The following MSANTD7 variants were observed in gnomAD, a reference collection of about 807,000 sequenced individuals.
MSANTD7 encodes Myb/SANT DNA binding domain containing 7.
chr10:14,838,641 C>G, the MSANTD7 span: 3 of 581,388 alleles, frequency 5.2e-6, no homozygotes, highest in Non-Finnish European at 8.7e-6. Context: ...GCGATTCCTC[C>G]GGAAAGTCGT....
At chr10:14,842,412 A>C in the MSANTD7 span, 1 of 1,536,186 alleles carries the variant, frequency 6.5e-7, no homozygotes, top group Non-Finnish European at 8.7e-7. The surrounding 1 kb of genome is among the most constrained non-coding windows in gnomAD (Gnocchi z 5.2). Flanking sequence ...GCAGATGTCT[A>C]TCAGGCTGTG....
chr10:14,842,307 C>A, the MSANTD7 span: 1 of 1,535,626 alleles, frequency 6.5e-7, no homozygotes, highest in East Asian at 2.4e-5. This position sits in a 1 kb window ranked among gnomAD's most constrained non-coding sequence, Gnocchi z 5.2. Context: ...AATAGCAGTG[C>A]GGGCATCCGG....
chr10:14,842,564 G>T, the MSANTD7 span: 4 of 1,536,134 alleles, frequency 2.6e-6, no homozygotes, highest in Non-Finnish European at 3.5e-6. This position sits in a 1 kb window ranked among gnomAD's most constrained non-coding sequence, Gnocchi z 5.2. Flanking sequence ...TCCATTTTAT[G>T]ATACGTTGGA....
the MSANTD7 span, chr10:14,838,629 T>A: frequency 3.3e-6 from 2 of 614,854 alleles, no homozygotes; most frequent in Non-Finnish European, 5.4e-6. Flanking sequence ...GCCTCGCGCC[T>A]GGCGATTCCT....
At chr10:14,838,554 C>T in the MSANTD7 span, 6 of 1,250,866 alleles carry the variant, frequency 4.8e-6, no homozygotes, top group African/African-American at 6.0e-5. Flanking sequence ...GTGTCGCCGG[C>T]CTAGGGATGT....
At chr10:14,844,217 A>G in the MSANTD7 span, 1 of 1,123,232 alleles carries the variant, frequency 8.9e-7, no homozygotes, top group Middle Eastern at 3.9e-4. Flanking sequence ...GGGATCAATA[A>G]TAACTCCTGC....
At chr10:14,842,774 C>T in the MSANTD7 span, 3 of 1,536,488 alleles carry the variant, frequency 2.0e-6, no homozygotes, top group Non-Finnish European at 2.6e-6. The surrounding 1 kb of genome is among the most constrained non-coding windows in gnomAD (Gnocchi z 5.2). Context: ...TGAGGATTGT[C>T]AGCTAAGAAT....
At chr10:14,838,590 A>G in the MSANTD7 span, 1 of 876,650 alleles carries the variant, frequency 1.1e-6, no homozygotes, top group East Asian at 3.0e-5. Flanking sequence ...CCGCGAGGAC[A>G]CTCCGGAGCG....
the MSANTD7 span, chr10:14,843,619 CGAA>C: frequency 6.4e-7 from 1 of 1,550,426 alleles, no homozygotes; most frequent in Non-Finnish European, 8.7e-7. Flanking sequence ...GTGGGCAAGG[CGAA>C]GAAGGCGGTC....
the MSANTD7 span, chr10:14,840,062 T>TATTA: frequency 3.6e-6 from 2 of 549,070 alleles, no homozygotes. Context: ...ATATATATTA[T>TATTA]TTTTTTTTTC....
chr10:14,842,514 A>G, the MSANTD7 span: 36 of 1,536,128 alleles, frequency 2.3e-5, no homozygotes, highest in South Asian at 2.4e-4. The surrounding 1 kb of genome is among the most constrained non-coding windows in gnomAD (Gnocchi z 5.2). Flanking sequence ...TTAAAGGCCT[A>G]TGTTGCCCAT....
the MSANTD7 span, chr10:14,846,995 A>G: frequency 1.0e-6 from 1 of 985,270 alleles, no homozygotes; most frequent in Non-Finnish European, 1.2e-6. Context: ...TTTCACTTGT[A>G]TGTAGTTGTG....
the MSANTD7 span, chr10:14,843,284 T>C: frequency 6.7e-7 from 1 of 1,490,986 alleles, no homozygotes; most frequent in Non-Finnish European, 9.1e-7. Flanking sequence ...AACCATAGTT[T>C]TATAATTTGT....
chr10:14,843,719 G>A, the MSANTD7 span: 6 of 1,538,144 alleles, frequency 3.9e-6, no homozygotes, highest in East Asian at 1.2e-4. Context: ...AAACTGGACA[G>A]GCTGATTGCT....
chr10:14,840,898 G>A, the MSANTD7 span, among the ~76,000 whole-genome samples: 1 of 152,128 alleles, frequency 6.6e-6, no homozygotes, highest in Non-Finnish European at 1.5e-5. Flanking sequence ...CCCATTTATA[G>A]ATGAGAAAAT....
chr10:14,840,041 A>AAC, the MSANTD7 span: 2 of 1,194,512 alleles, frequency 1.7e-6, no homozygotes, highest in Non-Finnish European at 2.3e-6. Flanking sequence ...CATACATTGT[A>AAC]ATATATATAT....
the MSANTD7 span, chr10:14,846,638 G>A: frequency 2.1e-6 from 2 of 948,134 alleles, no homozygotes; most frequent in South Asian, 4.9e-5. Context: ...TTTATAAAGT[G>A]GGAAACTCAT....
the MSANTD7 span, among the ~76,000 whole-genome samples, chr10:14,840,515 A>G: frequency 2.0e-5 from 3 of 152,192 alleles, no homozygotes; most frequent in Non-Finnish European, 4.4e-5. Context: ...TGCTGAATCT[A>G]TTACAATTTT....
At chr10:14,844,431 A>T in the MSANTD7 span, 7 of 993,836 alleles carry the variant, frequency 7.0e-6, no homozygotes, top group Admixed American at 5.4e-5. Flanking sequence ...GTCTAACTTG[A>T]CTGCTTCATG....
Sources: allele counts gnomAD v4.1 joint callset (sites outside exome capture counted in the v4.1 genomes callset), GRCh38; gene constraint gnomAD v4.1.1; non-coding constraint Gnocchi (gnomAD v3.1); transcripts MANE v1.5; gene names NCBI Gene and HGNC (gene_info 2026-07-23, HGNC 2026-07-21).